The following STS variants were observed in gnomAD, a reference collection of about 807,000 sequenced individuals.
The protein encoded by STS is steryl-sulfatase.
STS carries 7 observed loss-of-function variants against 26.8 expected under a neutral mutation model. The observed-to-expected ratio is 0.26, with a 90% CI of 0.15 to 0.49. The LOEUF is 0.49. Ranked by LOEUF, STS falls within the 20% of genes least tolerant of loss-of-function variation. The pLI, the probability that STS is intolerant of heterozygous loss-of-function variation, is 0.98. For synonymous variants in STS, 199 were observed against 189.4 expected, an observed-to-expected ratio of 1.05 and a Z score of -0.42; for missense variants, 434 against 465.6, an observed-to-expected ratio of 0.93 and a Z score of 0.63.
intron 3 of STS, 83 bp from the exon 4 acceptor site, chrX:7,257,159 G>A (rs1039571895): frequency 1.3e-4 from 156 of 1,161,438 alleles, no homozygotes; most frequent in Middle Eastern, 1.3e-3. Context: ...CAGCCTGGGT[G>A]ACAGAGTGAG....
intron 2 of STS, among the ~76,000 whole-genome samples, chrX:7,226,217 T>C (rs1292057167): frequency 2.7e-5 from 3 of 112,239 alleles, no homozygotes; most frequent in African/African-American, 9.7e-5. Flanking sequence ...TTTTGCCTTT[T>C]CTTGGACTGC....
chrX:7,232,618 G>A (rs1017333056), intron 2 of STS, among the ~76,000 whole-genome samples: 1 of 112,005 alleles, frequency 8.9e-6, no homozygotes, highest in African/African-American at 3.2e-5. Flanking sequence ...TGAGAAGAAT[G>A]TATCTGCTTT....
chrX:7,201,724 C>T lies in STS; in HGVS notation c.-5+10716C>T, dbSNP rs1043104287. The stretch of plus-strand genomic sequence containing the variant: ...AGATCCGCTGTGCTTTAGGGAACTG[C>T]GCCAGAGATTTCATGCGTTTGTCTT... On this transcript the variant is annotated intron_variant, in intron 2 of 10. Transcript: ENST00000674429. Among the ~76,000 whole-genome samples, 6 of 110,692 alleles carry T rather than the reference C, an allele frequency of 5.4e-5. 1 individual carries two copies. In the South Asian group the frequency reaches 1.9e-3, roughly 36 times the overall value.
chrX:7,276,477 A>AT (rs1298309520), intron 7 of STS, among the ~76,000 whole-genome samples: 12 of 111,294 alleles, frequency 1.1e-4, no homozygotes, highest in Non-Finnish European at 1.7e-4. Flanking sequence ...TCTTAAAAAA[A>AT]ATATATATAT....
chrX:7,325,046 G>A (rs1486763688), intron 8 of STS, among the ~76,000 whole-genome samples: 1 of 111,809 alleles, frequency 8.9e-6, no homozygotes, highest in East Asian at 2.8e-4. Context: ...CAGAGTCATT[G>A]ATTTGAATCT....
At chrX:7,189,442 A>G (rs763145877) in intron 1 of STS, among the ~76,000 whole-genome samples, 2 of 112,293 alleles carry the variant, frequency 1.8e-5, no homozygotes, top group East Asian at 2.8e-4. Context: ...ATCTATCACA[A>G]CTACTCAACT....
chrX:7,289,488 C>T (rs1207180179), intron 7 of STS, among the ~76,000 whole-genome samples: 2 of 111,048 alleles, frequency 1.8e-5, no homozygotes, highest in Admixed American at 9.6e-5. Flanking sequence ...AGGGAGCCTC[C>T]TGCTTTGCTC....
intron 1 of STS, among the ~76,000 whole-genome samples, chrX:7,154,728 T>C (rs909339502): frequency 9.0e-6 from 1 of 111,456 alleles, no homozygotes; most frequent in African/African-American, 3.3e-5. Context: ...TTATGTTGTA[T>C]GTAAGCAATC....
intron 8 of STS, among the ~76,000 whole-genome samples, chrX:7,305,604 T>C (rs1285557402): frequency 8.9e-6 from 1 of 112,255 alleles, no homozygotes; most frequent in Non-Finnish European, 1.9e-5. Flanking sequence ...GAGATGTCTG[T>C]AGGGCCTTCT....
At chrX:7,273,661 G>A (rs1167314944) in intron 6 of STS, among the ~76,000 whole-genome samples, 3 of 111,299 alleles carry the variant, frequency 2.7e-5, no homozygotes, top group East Asian at 5.6e-4. Context: ...CTACATGGCT[G>A]TACATACTTT....
At position 7,224,603 on chromosome X, in the gene STS, G is replaced by A. The variant is rs375495138; in HGVS notation, c.-4-28593G>A. On this transcript the variant is annotated intron_variant, in intron 2 of 10. Transcript: ENST00000674429. ...AACATGGGGAGAAGGCACTGTCTAT[G>A]AAACAGGAAGCAGGTCCTCACCAGC... 1.6e-4 allele frequency among the ~76,000 whole-genome samples: 18 copies of A among 111,601 alleles called. 1 individual carries two copies. In the East Asian group the frequency reaches 4.5e-3, roughly 28 times the overall value.
At chrX:7,309,598 T>TAAA (rs35728471) in intron 8 of STS, among the ~76,000 whole-genome samples, 1 of 89,555 alleles carries the variant, frequency 1.1e-5, no homozygotes, top group African/African-American at 4.1e-5. Flanking sequence ...GACTTCTTGT[T>TAAA]AAAAAAAAAA....
Position 7,148,092 on chromosome X carries a change from C to G in STS, c.-134+9C>G. 1 of 1,125,928 alleles carries G rather than the reference C, an allele frequency of 8.9e-7. No homozygotes were observed. The highest frequency in any genetic ancestry group is 1.2e-6 in the Non-Finnish European group (1 of 850,281). 92.8% of individuals were successfully genotyped at this position (1,125,928 alleles called of 1,213,427 possible). On this transcript the variant is annotated intron_variant, in intron 1 of 10. Coordinates refer to ENST00000674429, the MANE Select transcript of STS (RefSeq NM_001320752.2). Reference sequence around the variant, plus strand: ...TCCATGTCAAAGATGAGGTGGGTGACGGGCTGCGGGGGCGCCGCCATGGTG... The same window carrying G: ...TCCATGTCAAAGATGAGGTGGGTGAGGGGCTGCGGGGGCGCCGCCATGGTG...
intron 6 of STS, among the ~76,000 whole-genome samples, chrX:7,272,832 T>C (rs751919981): frequency 9.0e-6 from 1 of 111,561 alleles, no homozygotes; most frequent in South Asian, 3.8e-4. Context: ...ACACATACTT[T>C]ATTAGCATTT....
intron 7 of STS, among the ~76,000 whole-genome samples, chrX:7,292,736 C>T (rs1253505644): frequency 9.0e-6 from 1 of 111,267 alleles, no homozygotes; most frequent in Non-Finnish European, 1.9e-5. Flanking sequence ...GGAGGAAGGT[C>T]TTTATTCTAA....
rs1932905960 is a variant in STS, at chrX:7,147,884, C to A, written c.-333C>A. Reference sequence around the variant, plus strand: ...GACATGGGCCCGCGGGCGCTCCTGGCCGCCGCCCGACTTCGGGGCCAGCCG... The same window carrying A: ...GACATGGGCCCGCGGGCGCTCCTGGACGCCGCCCGACTTCGGGGCCAGCCG... On this transcript the variant is annotated 5_prime_UTR_variant, in exon 1 of 11. Transcript: ENST00000674429. 1 of 260,796 alleles carries A rather than the reference C, an allele frequency of 3.8e-6. No individual in the cohort carries two copies. The highest frequency in any genetic ancestry group is 6.7e-6 in the Non-Finnish European group (1 of 149,069). 21.5% of individuals were successfully genotyped at this position (260,796 alleles called of 1,213,427 possible).
chrX:7,294,108 T>C (rs1234852226), intron 7 of STS, among the ~76,000 whole-genome samples: 1 of 111,686 alleles, frequency 9.0e-6, no homozygotes, highest in African/African-American at 3.3e-5. Flanking sequence ...TCCTCTACAT[T>C]AATTTAGCTT....
intron 6 of STS, among the ~76,000 whole-genome samples, chrX:7,264,612 G>A: frequency 8.9e-6 from 1 of 112,278 alleles, no homozygotes; most frequent in Non-Finnish European, 1.9e-5. Flanking sequence ...CTTTGCATAA[G>A]GAAAACCCCA....
At chrX:7,196,459 A>G (rs1278632546) in intron 2 of STS, among the ~76,000 whole-genome samples, 1 of 111,206 alleles carries the variant, frequency 9.0e-6, no homozygotes, top group Non-Finnish European at 1.9e-5. Context: ...TTCTTACGCC[A>G]AAGAAGCACA....
Sources: allele counts gnomAD v4.1 joint callset (sites outside exome capture counted in the v4.1 genomes callset), GRCh38; gene constraint gnomAD v4.1.1; transcripts MANE v1.5; gene names NCBI Gene and HGNC (gene_info 2026-07-23, HGNC 2026-07-21).